The following PXDNL variants were observed in gnomAD, a reference collection of about 807,000 sequenced individuals.
PXDNL encodes the protein peroxidasin like.
In PXDNL, 145 loss-of-function variants were observed where a neutral mutation model predicts 150.8. That is an observed-to-expected ratio of 0.96 (90% confidence interval 0.84 to 1.10). The LOEUF (loss-of-function observed/expected upper bound fraction) is 1.10, where lower values mean the gene tolerates loss of function less well. PXDNL is among the 50% of genes least tolerant of loss of function. The pLI, the probability that PXDNL is intolerant of heterozygous loss-of-function variation, is 0.00. For synonymous variants in PXDNL, 757 were observed against 725.7 expected (o/e 1.04, Z -0.69); for missense variants, 2,087 against 1,873.9 (o/e 1.11, Z -2.10).
Position 51,357,872 on chromosome 8 carries a change from A to C in PXDNL, c.3902-11925T>G, listed in dbSNP as rs187567930. On this transcript the variant is annotated intron_variant, in intron 19 of 22. Transcript: ENST00000356297. ...TTTAAAGCTATGCCTACTTCTGGGC[A>C]TCACACTTTAATAAAGACCTTGATG... Among the ~76,000 whole-genome samples, 12 of 152,336 alleles carry C rather than the reference A, an allele frequency of 7.9e-5. No homozygotes were observed. In the East Asian group the frequency reaches 2.3e-3, roughly 29 times the overall value.
chr8:51,546,701 G>A (rs780168019), intron 4 of PXDNL, among the ~76,000 whole-genome samples: 4 of 152,198 alleles, frequency 2.6e-5, no homozygotes, highest in African/African-American at 7.2e-5. Context: ...AGGGAGGGGC[G>A]AGGCCTGAGA....
intron 9 of PXDNL, among the ~76,000 whole-genome samples, chr8:51,457,036 A>G (rs968965928): frequency 6.6e-6 from 1 of 152,248 alleles, no homozygotes; most frequent in Non-Finnish European, 1.5e-5. Context: ...TCTGGTTTAT[A>G]TAAGCCACTG....
intron 14 of PXDNL, 60 bp downstream of exon 14, chr8:51,423,515 G>T: frequency 7.0e-7 from 1 of 1,432,672 alleles, no homozygotes; most frequent in Non-Finnish European, 9.6e-7. Flanking sequence ...AATAGGATTG[G>T]GGTAGAAGCT....
intron 4 of PXDNL, among the ~76,000 whole-genome samples, chr8:51,550,196 CCAA>C (rs200063594): frequency 4.0e-5 from 6 of 151,774 alleles, no homozygotes; most frequent in African/African-American, 7.3e-5. Context: ...ATAAAAATTG[CCAA>C]CAACAACAAC....
At chr8:51,760,443 C>T (rs955873317) in intron 1 of PXDNL, among the ~76,000 whole-genome samples, 3 of 151,980 alleles carry the variant, frequency 2.0e-5, no homozygotes, top group South Asian at 2.1e-4. Flanking sequence ...TAAAATGAAT[C>T]CTCCCTTGGA....
intron 17 of PXDNL, among the ~76,000 whole-genome samples, chr8:51,397,901 C>T (rs1291947330): frequency 6.6e-6 from 1 of 152,010 alleles, no homozygotes; most frequent in Non-Finnish European, 1.5e-5. Flanking sequence ...GCTATCCCTC[C>T]CCCCTCCACC....
chr8:51,705,820 T>TGA (rs1651588201), intron 1 of PXDNL, among the ~76,000 whole-genome samples: 1 of 67,312 alleles, frequency 1.5e-5, no homozygotes, highest in Non-Finnish European at 2.7e-5. Flanking sequence ...TGTGTGTGTG[T>TGA]GTGTGTGTGT....
intron 2 of PXDNL, among the ~76,000 whole-genome samples, chr8:51,612,383 C>T (rs571583008): frequency 2.0e-5 from 3 of 152,262 alleles, no homozygotes; most frequent in Non-Finnish European, 2.9e-5. Flanking sequence ...CAATCGCCAT[C>T]GAAAAGCCCA....
chr8:51,734,096 A>G (rs185280955), intron 1 of PXDNL, among the ~76,000 whole-genome samples: 59 of 152,110 alleles, frequency 3.9e-4, no homozygotes, highest in African/African-American at 1.4e-3. Flanking sequence ...TCCTGTCATT[A>G]CATGAAACCT....
At chr8:51,449,557 A>T (rs2129945324) in intron 10 of PXDNL, among the ~76,000 whole-genome samples, 1 of 152,384 alleles carries the variant, frequency 6.6e-6, no homozygotes, top group East Asian at 1.9e-4. Context: ...GCTCCTTAAG[A>T]TTAATGTTCC....
chr8:51,637,717 A>G (rs1400863788), intron 2 of PXDNL, among the ~76,000 whole-genome samples: 3 of 152,244 alleles, frequency 2.0e-5, no homozygotes, highest in African/African-American at 4.8e-5. Context: ...GACCAAATCT[A>G]CATCTGATTG....
chr8:51,513,800 T>C (rs1261943041), intron 4 of PXDNL, among the ~76,000 whole-genome samples: 2 of 152,202 alleles, frequency 1.3e-5, no homozygotes, highest in Non-Finnish European at 2.9e-5. Context: ...TAACCAACTA[T>C]AAAATTCTAC....
chr8:51,779,711 C>A (rs1157665626), intron 1 of PXDNL, among the ~76,000 whole-genome samples: 1 of 152,200 alleles, frequency 6.6e-6, no homozygotes, highest in Non-Finnish European at 1.5e-5. Context: ...TTCTTGGTAA[C>A]CAGAAGGCTG....
intron 17 of PXDNL, among the ~76,000 whole-genome samples, chr8:51,404,876 G>A (rs555436397): frequency 5.3e-5 from 8 of 152,322 alleles, no homozygotes; most frequent in East Asian, 3.9e-4. Context: ...AGCAGGGGAC[G>A]GTGATCGTCA....
chr8:51,549,783 A>G (rs1812442495), intron 4 of PXDNL, among the ~76,000 whole-genome samples: 1 of 152,170 alleles, frequency 6.6e-6, no homozygotes, highest in Non-Finnish European at 1.5e-5. Flanking sequence ...CTAGAGAAAC[A>G]AAAACAAGCC....
intron 13 of PXDNL, among the ~76,000 whole-genome samples, chr8:51,425,234 A>G (rs1809059914): frequency 6.6e-6 from 1 of 152,226 alleles, no homozygotes; most frequent in Non-Finnish European, 1.5e-5. Context: ...TATCGCTGGT[A>G]GCAAAGTATG....
rs536218034 is a variant in PXDNL at position 51,345,817 on chromosome 8, A to G, written c.4016+16T>C. On this transcript the variant is annotated intron_variant, in intron 20 of 22. Transcript: ENST00000356297. ...ATAGTAAGTTGCCTAAAGAAATGAG[A>G]TATTTCTATACATACCTACTTCTTA... The G allele has an allele frequency of 2.0e-6, 3 of 1,464,068 alleles. No homozygotes were observed. The highest frequency in any genetic ancestry group is 2.9e-6 in the Non-Finnish European group (3 of 1,048,228). The allele number at this position is 1,464,068 out of a possible 1,614,324, so 90.7% of individuals were successfully genotyped here. A position where few individuals can be genotyped will look rare whatever the true frequency, so the allele number is the denominator to read the frequency against.
intron 12 of PXDNL, chr8:51,436,393 A>G (rs1809409105): frequency 4.8e-6 from 2 of 419,470 alleles, no homozygotes; most frequent in South Asian, 3.8e-5. Flanking sequence ...GGCACCAAAA[A>G]TGCATTGCCA....
chr8:51,468,536 A>G (rs916687380), intron 8 of PXDNL, among the ~76,000 whole-genome samples: 1 of 151,960 alleles, frequency 6.6e-6, no homozygotes, highest in African/African-American at 2.4e-5. Flanking sequence ...TGGATTTTAA[A>G]ATTCAATATT....
Sources: allele counts gnomAD v4.1 joint callset (sites outside exome capture counted in the v4.1 genomes callset), GRCh38; gene constraint gnomAD v4.1.1; transcripts MANE v1.5; gene names NCBI Gene and HGNC (gene_info 2026-07-23, HGNC 2026-07-21).